Variants in LRRC4C observed in about 807,000 individuals in gnomAD.
LRRC4C encodes leucine rich repeat containing 4C, also known as leucine-rich repeat-containing protein 4C.
A neutral mutation model predicts 33.6 loss-of-function variants in LRRC4C; 5 were observed. The ratio of observed to expected loss-of-function variants is 0.15; its 90% CI spans 0.08 to 0.31. LRRC4C has a LOEUF of 0.31. Ranked by LOEUF, LRRC4C falls within the 10% of genes least tolerant of loss-of-function variation. The pLI is 1.00. For synonymous variants in LRRC4C, 329 were observed against 302.0 expected (o/e 1.09, Z -0.93); for missense variants, 560 against 796.7 (o/e 0.70, Z 3.58).
At chr11:40,589,989 G>A (rs1160746171) in intron 3 of LRRC4C, among the ~76,000 whole-genome samples, 2 of 151,518 alleles carry the variant, frequency 1.3e-5, no homozygotes. Flanking sequence ...TATCTTTGTA[G>A]CGTTCTCTGT....
chr11:40,492,014 TATTAG>T (rs1954184683), intron 3 of LRRC4C, among the ~76,000 whole-genome samples: 1 of 152,202 alleles, frequency 6.6e-6, no homozygotes, highest in African/African-American at 2.4e-5. Flanking sequence ...TGACACAGTT[TATTAG>T]AGACTATGAT....
intron 3 of LRRC4C, among the ~76,000 whole-genome samples, chr11:40,357,655 C>A (rs1457836697): frequency 6.6e-6 from 1 of 151,960 alleles, no homozygotes; most frequent in African/African-American, 2.4e-5. Flanking sequence ...TATGTCTTAT[C>A]AAAAATGAAA....
chr11:41,377,008 A>G (rs567905010), intron 1 of LRRC4C, among the ~76,000 whole-genome samples: 3 of 152,210 alleles, frequency 2.0e-5, no homozygotes, highest in Admixed American at 2.0e-4. Flanking sequence ...TAACATTCCA[A>G]TTTTCTGAAG....
At chr11:41,065,044 G>C (rs548879149) in intron 1 of LRRC4C, among the ~76,000 whole-genome samples, 17 of 152,220 alleles carry the variant, frequency 1.1e-4, no homozygotes, top group Middle Eastern at 3.4e-3. Context: ...TGGTACTCCA[G>C]TGAGACAGGA....
At chr11:41,132,588 A>C (rs1943065499) in intron 1 of LRRC4C, among the ~76,000 whole-genome samples, 1 of 152,140 alleles carries the variant, frequency 6.6e-6, no homozygotes, top group African/African-American at 2.4e-5. Flanking sequence ...CATATTACTG[A>C]ACCTTAATGG....
At chr11:40,968,868 C>G (rs1220150336) in intron 1 of LRRC4C, among the ~76,000 whole-genome samples, 1 of 152,070 alleles carries the variant, frequency 6.6e-6, no homozygotes, top group Non-Finnish European at 1.5e-5. Context: ...TTTTGTGTCT[C>G]CTAACACAAC....
intron 1 of LRRC4C, among the ~76,000 whole-genome samples, chr11:41,046,949 G>T (rs564603104): frequency 6.0e-4 from 92 of 152,152 alleles, no homozygotes; most frequent in Non-Finnish European, 1.1e-3. Context: ...AGTAATCTTA[G>T]ATTATAAAAT....
intron 2 of LRRC4C, among the ~76,000 whole-genome samples, chr11:40,739,493 C>T (rs1305626319): frequency 8.8e-5 from 5 of 57,118 alleles, no homozygotes; most frequent in Admixed American, 3.0e-4. Flanking sequence ...TTAATATATA[C>T]ATAGACAATC....
intron 2 of LRRC4C, among the ~76,000 whole-genome samples, chr11:40,875,506 G>A (rs1954841944): frequency 6.6e-6 from 1 of 152,160 alleles, no homozygotes; most frequent in Non-Finnish European, 1.5e-5. Flanking sequence ...GTTCCCAACA[G>A]AGTAGAATAT....
chr11:40,241,275 G>C (rs1363950511), intron 5 of LRRC4C, among the ~76,000 whole-genome samples: 1 of 152,064 alleles, frequency 6.6e-6, no homozygotes, highest in Non-Finnish European at 1.5e-5. Context: ...CTAGCTACTC[G>C]GGAGGCTGAG....
At chr11:40,286,904 A>G (rs1056098637) in intron 4 of LRRC4C, among the ~76,000 whole-genome samples, 13 of 152,132 alleles carry the variant, frequency 8.5e-5, no homozygotes, top group Admixed American at 7.9e-4. Context: ...TTTTACCCAC[A>G]TATCTGCCAT....
intron 3 of LRRC4C, among the ~76,000 whole-genome samples, chr11:40,626,248 T>A (rs1962915382): frequency 6.6e-6 from 1 of 152,104 alleles, no homozygotes; most frequent in Non-Finnish European, 1.5e-5. Context: ...CCCTTACATT[T>A]CTCTTTCCTT....
intron 1 of LRRC4C, among the ~76,000 whole-genome samples, chr11:41,229,885 AG>A (rs1323632557): frequency 6.6e-6 from 1 of 152,090 alleles, no homozygotes; most frequent in Non-Finnish European, 1.5e-5. Context: ...AGCATCTAAA[AG>A]CTCTCGTTTC....
chr11:40,310,885 G>A (rs1350836105), intron 4 of LRRC4C, among the ~76,000 whole-genome samples: 2 of 152,104 alleles, frequency 1.3e-5, no homozygotes, highest in East Asian at 3.8e-4. Flanking sequence ...AAAGAGTTTT[G>A]TTTTGTTTAG....
intron 2 of LRRC4C, 50 bp from the exon 3 acceptor site, chr11:40,648,328 T>C (rs1942582973): frequency 6.6e-6 from 1 of 152,174 alleles, no homozygotes; most frequent in African/African-American, 2.4e-5. Context: ...TAATGGTCAA[T>C]AAATGCTGGT....
At chr11:40,345,889 T>G (rs2861888) in intron 3 of LRRC4C, among the ~76,000 whole-genome samples, 72,425 of 151,410 alleles carry the variant, frequency 0.48, 17,934 homozygotes, top group East Asian at 0.83. Context: ...AGTGGGCAAA[T>G]ATATGAACAC....
intron 1 of LRRC4C, among the ~76,000 whole-genome samples, chr11:41,004,429 C>A (rs78646330): frequency 6.6e-6 from 1 of 152,048 alleles, no homozygotes; most frequent in Non-Finnish European, 1.5e-5. Flanking sequence ...ACCACCATGC[C>A]AGAGATACAT....
At chr11:40,281,494 C>T (rs192136056) in intron 4 of LRRC4C, among the ~76,000 whole-genome samples, 25 of 152,268 alleles carry the variant, frequency 1.6e-4, no homozygotes, top group African/African-American at 5.5e-4. Flanking sequence ...TCGGCACACT[C>T]TGAGATTTGG....
At chr11:40,809,508 A>T (rs1365316890) in intron 2 of LRRC4C, among the ~76,000 whole-genome samples, 1 of 151,976 alleles carries the variant, frequency 6.6e-6, no homozygotes, top group Non-Finnish European at 1.5e-5. Flanking sequence ...TCCTACCTAT[A>T]TCCCTCCCCT....
Sources: allele counts gnomAD v4.1 joint callset (sites outside exome capture counted in the v4.1 genomes callset), GRCh38; gene constraint gnomAD v4.1.1; transcripts MANE v1.5; gene names NCBI Gene and HGNC (gene_info 2026-07-23, HGNC 2026-07-21).